The following FBXW7 variants were observed in gnomAD, a reference collection of about 807,000 sequenced individuals.
FBXW7 encodes F-box/WD repeat-containing protein 7.
Under a neutral mutation model 86.3 loss-of-function variants are expected in FBXW7, and 11 were observed. The observed-to-expected ratio is 0.13, with a 90% CI of 0.08 to 0.21. The LOEUF is 0.21. Among genes scored for constraint, FBXW7 ranks in the 10% least tolerant of loss-of-function variants. FBXW7 has a pLI of 1.00. For synonymous variants in FBXW7, 313 were observed against 297.9 expected, an observed-to-expected ratio of 1.05 and a Z score of -0.52; for missense variants, 488 against 847.4, an observed-to-expected ratio of 0.58 and a Z score of 5.27.
chr4:152,436,039 C>T (rs955628571), intron 2 of FBXW7, among the ~76,000 whole-genome samples: 3 of 152,122 alleles, frequency 2.0e-5, no homozygotes, highest in Non-Finnish European at 4.4e-5. Context: ...TCTCCTTAGG[C>T]CTCCCTATCC....
In FBXW7 at chr4:152,326,975, A is replaced by G. The variant is rs559187906; in HGVS notation, c.1419-744T>C. 2.8e-4 allele frequency among the ~76,000 whole-genome samples: 42 copies of G among 152,246 alleles called. 2 individuals carry two copies. In the South Asian group the frequency reaches 8.7e-3, roughly 32 times the overall value. On this transcript the variant is annotated intron_variant, in intron 11 of 13. Transcript: ENST00000281708. Reference sequence around the variant, plus strand: ...TTTAAAAACAATGGCTATCCCTTAAACATTTGGTTCAACATCAGCGCTATA... The same window carrying G: ...TTTAAAAACAATGGCTATCCCTTAAGCATTTGGTTCAACATCAGCGCTATA...
At chr4:152,344,814 T>C (rs890354684) in intron 6 of FBXW7, among the ~76,000 whole-genome samples, 3 of 151,996 alleles carry the variant, frequency 2.0e-5, no homozygotes, top group Non-Finnish European at 2.9e-5. Context: ...TTCCAAAACG[T>C]TGGAAAAAAT....
At chr4:152,532,009 A>G (rs553224430) in intron 2 of FBXW7, among the ~76,000 whole-genome samples, 28 of 152,298 alleles carry the variant, frequency 1.8e-4, no homozygotes, top group African/African-American at 6.7e-4. Context: ...TATTTTAGGT[A>G]GTGTCTCATT....
chr4:152,437,484 C>G (rs553806049), intron 2 of FBXW7, among the ~76,000 whole-genome samples: 2 of 152,204 alleles, frequency 1.3e-5, no homozygotes, highest in Admixed American at 6.5e-5. Context: ...CTGTTGCAAT[C>G]TCATAATAAA....
rs909141357 is a variant in FBXW7 at position 152,335,895 on chromosome 4, C to T, written c.861+1907G>A. ...ATTCACTTATAAAGACAATGCTATT[C>T]ATCACAAGCCTCTAGTGTGAAATTA... On this transcript the variant is annotated intron_variant, in intron 7 of 13. Coordinates refer to ENST00000281708, the MANE Select transcript of FBXW7 (RefSeq NM_001349798.2). Among the ~76,000 whole-genome samples the T allele has an allele frequency of 5.3e-5, 8 of 152,274 alleles. 1 individual carries two copies. The highest frequency in any genetic ancestry group is 4.6e-4 in the Admixed American group (7 of 15,300).
In FBXW7 at chr4:152,444,221, T is replaced by C. The variant is rs149991749; in HGVS notation, c.-119-31692A>G. On this transcript the variant is annotated intron_variant, in intron 2 of 13. Coordinates refer to ENST00000281708, the MANE Select transcript of FBXW7 (RefSeq NM_001349798.2). ...ACATATATGTATGACCATAATTTTA[T>C]ATTCTTCGAGACTTTACATTAAATC... 4.8e-3 allele frequency among the ~76,000 whole-genome samples: 738 copies of C among 152,218 alleles called. 28 individuals are homozygous for C. Among genetic ancestry groups the C allele is most frequent in the Admixed American group, 0.046 (700 of 15,292 alleles).
intron 2 of FBXW7, among the ~76,000 whole-genome samples, chr4:152,488,296 C>T (rs1745534729): frequency 6.6e-6 from 1 of 151,872 alleles, no homozygotes; most frequent in African/African-American, 2.4e-5. Flanking sequence ...CATCATGTTC[C>T]TTAAAAGGCT....
intron 6 of FBXW7, chr4:152,346,674 C>G (rs757975386): frequency 7.2e-6 from 3 of 417,862 alleles, no homozygotes; most frequent in African/African-American, 2.0e-5. Flanking sequence ...GGCAGTTAGT[C>G]CTTCTCCTCC....
intron 4 of FBXW7, among the ~76,000 whole-genome samples, chr4:152,383,483 T>C (rs1409543463): frequency 6.6e-6 from 1 of 152,186 alleles, no homozygotes; most frequent in Non-Finnish European, 1.5e-5. Flanking sequence ...CTTTATACTA[T>C]AATCCATATT....
chr4:152,358,107 A>T (rs775559697), intron 4 of FBXW7, among the ~76,000 whole-genome samples: 1 of 152,232 alleles, frequency 6.6e-6, no homozygotes, highest in Non-Finnish European at 1.5e-5. Context: ...TTTGGAATTC[A>T]TAAGTTTCCT....
intron 2 of FBXW7, among the ~76,000 whole-genome samples, chr4:152,449,092 AT>A (rs1342326620): frequency 6.6e-6 from 1 of 152,232 alleles, no homozygotes; most frequent in Non-Finnish European, 1.5e-5. Flanking sequence ...CTGCTGCTGC[AT>A]TGCTTTGAGA....
At chr4:152,359,630 A>G (rs112664837) in intron 4 of FBXW7, among the ~76,000 whole-genome samples, 3,043 of 151,962 alleles carry the variant, frequency 0.02, 89 homozygotes, top group Admixed American at 0.066. Context: ...AAACAAAACA[A>G]AACAAAACAA....
At chr4:152,496,976 G>C (rs1188777351) in intron 2 of FBXW7, among the ~76,000 whole-genome samples, 1 of 152,134 alleles carries the variant, frequency 6.6e-6, no homozygotes, top group African/African-American at 2.4e-5. Flanking sequence ...ACAGAAGAGA[G>C]ATTCTACAAA....
intron 2 of FBXW7, among the ~76,000 whole-genome samples, chr4:152,478,818 C>T (rs1744636968): frequency 2.6e-5 from 4 of 152,028 alleles, no homozygotes; most frequent in Admixed American, 2.6e-4. Flanking sequence ...TGTTGAGACT[C>T]TTCATATGTG....
intron 2 of FBXW7, among the ~76,000 whole-genome samples, chr4:152,417,690 G>A (rs1738564483): frequency 6.6e-6 from 1 of 152,126 alleles, no homozygotes; most frequent in African/African-American, 2.4e-5. Flanking sequence ...AGGGAAAGAT[G>A]TCAAAGGCTG....
At chr4:152,325,675 C>A in intron 12 of FBXW7, 1 of 234,726 alleles carries the variant, frequency 4.3e-6, no homozygotes, top group Non-Finnish European at 8.4e-6. Flanking sequence ...TATTAATCTT[C>A]TGCAAAGGAG....
Position 152,321,023 on chromosome 4 carries a change from A to G in FBXW7, c.*1858T>C, listed in dbSNP as rs998129173. Reference sequence around the variant, plus strand: ...TTTCATATTTATACACCCCAATGCAATCTACAGAGATGAGCACAGTGGAGT... The same window carrying G: ...TTTCATATTTATACACCCCAATGCAGTCTACAGAGATGAGCACAGTGGAGT... On this transcript the variant is annotated 3_prime_UTR_variant, in exon 14 of 14. Coordinates refer to ENST00000281708, the MANE Select transcript of FBXW7 (RefSeq NM_001349798.2). 5.9e-6 allele frequency: 1 copy of G among 170,452 alleles called. No individual in the cohort carries two copies. The highest frequency in any genetic ancestry group is 2.4e-5 in the African/African-American group (1 of 42,174). The allele number at this position is 170,452 out of a possible 1,614,324, so 10.6% of individuals were successfully genotyped here.
intron 2 of FBXW7, among the ~76,000 whole-genome samples, chr4:152,519,506 A>C (rs1245088253): frequency 6.6e-6 from 1 of 152,204 alleles, no homozygotes; most frequent in African/African-American, 2.4e-5. Context: ...AACACATTTC[A>C]CATATAAAAT....
At chr4:152,421,191 T>C (rs1364761534) in intron 2 of FBXW7, among the ~76,000 whole-genome samples, 1 of 152,178 alleles carries the variant, frequency 6.6e-6, no homozygotes, top group Non-Finnish European at 1.5e-5. Flanking sequence ...ACCAAACTGC[T>C]AGCTTCCAAC....
Sources: allele counts gnomAD v4.1 joint callset (sites outside exome capture counted in the v4.1 genomes callset), GRCh38; gene constraint gnomAD v4.1.1; transcripts MANE v1.5; gene names NCBI Gene and HGNC (gene_info 2026-07-23, HGNC 2026-07-21).